Variants in IPO11 observed in about 807,000 individuals in gnomAD.
IPO11 encodes importin 11.
IPO11 carries 66 observed loss-of-function variants against 143.2 expected under a neutral mutation model. The observed-to-expected ratio is 0.46, with a 90% CI of 0.38 to 0.57. The LOEUF (loss-of-function observed/expected upper bound fraction) is 0.57. IPO11 is among the 20% of genes least tolerant of loss of function. The pLI is 0.00. For missense variants in IPO11, 1,026 were observed against 1,141.0 expected, an observed-to-expected ratio of 0.90 and a Z score of 1.45; for synonymous variants, 385 against 377.8, an observed-to-expected ratio of 1.02 and a Z score of -0.22.
chr5:62,520,564 C>A (rs1742170993), intron 20 of IPO11, among the ~76,000 whole-genome samples: 1 of 152,164 alleles, frequency 6.6e-6, no homozygotes, highest in South Asian at 2.1e-4. Context: ...TGATGTTCCC[C>A]ACCCTGTGTC....
intron 28 of IPO11, among the ~76,000 whole-genome samples, chr5:62,594,580 C>G (rs573345892): frequency 2.0e-5 from 3 of 152,308 alleles, no homozygotes; most frequent in Admixed American, 6.5e-5. Flanking sequence ...AAATGCTAAT[C>G]TCATGCAGAA....
chr5:62,443,428 T>C (rs1393000413), intron 3 of IPO11: 38 of 165,600 alleles, frequency 2.3e-4, no homozygotes, highest in South Asian at 9.1e-4. Context: ...TGTGCGTGTG[T>C]GCGTGTGCGT....
chr5:62,623,259 C>G (rs1211120541), intron 29 of IPO11, among the ~76,000 whole-genome samples: 2 of 152,160 alleles, frequency 1.3e-5, no homozygotes, highest in Non-Finnish European at 2.9e-5. Flanking sequence ...TGGCCTGTTA[C>G]ATACCTAGTG....
intron 1 of IPO11, among the ~76,000 whole-genome samples, chr5:62,429,983 T>A (rs562948682): frequency 6.6e-6 from 1 of 152,288 alleles, no homozygotes; most frequent in South Asian, 2.1e-4. Context: ...GGTCTCGAAC[T>A]CTGGACCTCG....
At chr5:62,582,541 T>C (rs757871343) in intron 27 of IPO11, among the ~76,000 whole-genome samples, 3 of 152,214 alleles carry the variant, frequency 2.0e-5, no homozygotes, top group African/African-American at 4.8e-5. Context: ...CGAGGTCTTA[T>C]GGTAAAGGCC....
At chr5:62,617,948 T>C (rs1256122278) in intron 29 of IPO11, among the ~76,000 whole-genome samples, 1 of 152,188 alleles carries the variant, frequency 6.6e-6, no homozygotes, top group African/African-American at 2.4e-5. Flanking sequence ...TGTGAGCCTA[T>C]GTTTAGTTGA....
At chr5:62,584,058 C>T (rs1027110211) in intron 27 of IPO11, among the ~76,000 whole-genome samples, 1 of 151,968 alleles carries the variant, frequency 6.6e-6, no homozygotes, top group African/African-American at 2.4e-5. Context: ...TTTGTTTTCC[C>T]CTCATAACAA....
chr5:62,547,224 A>T (rs753880467), intron 24 of IPO11, among the ~76,000 whole-genome samples: 2 of 152,116 alleles, frequency 1.3e-5, no homozygotes, highest in Non-Finnish European at 2.9e-5. Context: ...TAATATTGGT[A>T]TTGTTATTTT....
At chr5:62,535,027 A>ATTTG (rs1742688214) in intron 22 of IPO11, among the ~76,000 whole-genome samples, 1 of 148,712 alleles carries the variant, frequency 6.7e-6, no homozygotes, top group Admixed American at 6.7e-5. Flanking sequence ...ATATTTATTT[A>ATTTG]TTTATTTATT....
intron 11 of IPO11, 70 bp from the exon 12 acceptor site, chr5:62,485,346 CTGA>C: frequency 8.6e-7 from 1 of 1,157,782 alleles, no homozygotes. Context: ...AAATATTATA[CTGA>C]TGTTATTAAA....
intron 29 of IPO11, among the ~76,000 whole-genome samples, chr5:62,621,275 A>G (rs1355094385): frequency 6.6e-6 from 1 of 152,242 alleles, no homozygotes; most frequent in Non-Finnish European, 1.5e-5. Context: ...TCACACGACC[A>G]GGAAGGATTA....
At chr5:62,619,579 C>G (rs575827253) in intron 29 of IPO11, among the ~76,000 whole-genome samples, 3 of 152,102 alleles carry the variant, frequency 2.0e-5, no homozygotes, top group African/African-American at 7.2e-5. Flanking sequence ...ACAGGCCGGG[C>G]GTGGTGGCTC....
chr5:62,469,622 G>A (rs757489975), intron 6 of IPO11, among the ~76,000 whole-genome samples: 7 of 152,188 alleles, frequency 4.6e-5, no homozygotes, highest in Non-Finnish European at 7.4e-5. Context: ...TTTGTTAACC[G>A]CATTTTACAG....
intron 16 of IPO11, among the ~76,000 whole-genome samples, chr5:62,498,290 A>G (rs1409041182): frequency 6.6e-6 from 1 of 152,126 alleles, no homozygotes; most frequent in Non-Finnish European, 1.5e-5. Flanking sequence ...TTTGAGAACT[A>G]CTGACCTGGA....
Position 62,601,829 on chromosome 5 carries a change from A to C in IPO11, c.2744A>C (p.Gln915Pro), listed in dbSNP as rs1297470524. The change falls in exon 29 of 30, where the codon CAA (glutamine) becomes CCA (proline). Residue 915 changes from glutamine (Q) to proline (P), a missense_variant. Around this residue, in one of 5 missense-constraint regions of IPO11, gnomAD observed 351 missense variants for 358.9 expected, o/e 0.98. Transcript: ENST00000325324. Reference sequence around the variant, plus strand: ...GAAGATGAAGAACCACCCACAGAACAAGATAAGAGGAAAAAGATGGTAAGT... The same window carrying C: ...GAAGATGAAGAACCACCCACAGAACCAGATAAGAGGAAAAAGATGGTAAGT... ...VTEDEEPPTE[Q>P]DKRKKMLALK... The C allele has an allele frequency of 6.3e-7, 1 of 1,591,544 alleles. No homozygotes were observed. The highest frequency in any genetic ancestry group is 8.6e-7 in the Non-Finnish European group (1 of 1,168,672).
In IPO11 at chr5:62,581,378, A is replaced by G. The variant is rs1360388991; in HGVS notation, c.2583-10199A>G. 11 of 1,112,328 alleles carry G rather than the reference A, an allele frequency of 9.9e-6. No individual in the cohort carries two copies. The Admixed American group carries it at 1.0e-4, about 10-fold the overall frequency. 68.9% of individuals were successfully genotyped at this position (1,112,328 alleles called of 1,614,324 possible). A position where few individuals can be genotyped will look rare whatever the true frequency, so the allele number is the denominator to read the frequency against. On this transcript the variant is annotated intron_variant, in intron 27 of 29. Coordinates refer to ENST00000325324, the MANE Select transcript of IPO11 (RefSeq NM_016338.5). ...ATTTAAACTGAAACCTCCTTATATA[A>G]TTATATACTTTAGTTGGAAATATAA... is the stretch of plus-strand genomic sequence containing the variant.
intron 19 of IPO11, among the ~76,000 whole-genome samples, chr5:62,508,853 G>A (rs150974445): frequency 0.017 from 2,656 of 152,232 alleles, 73 homozygotes; most frequent in African/African-American, 0.059. Context: ...AGAACATGCG[G>A]TGTTTGGTTT....
intron 27 of IPO11, among the ~76,000 whole-genome samples, chr5:62,584,041 A>G (rs1371446502): frequency 6.6e-6 from 1 of 152,224 alleles, no homozygotes; most frequent in Non-Finnish European, 1.5e-5. Flanking sequence ...GGGCATATCG[A>G]AAGTAATTTG....
At position 62,601,740 on chromosome 5, in the gene IPO11, A is replaced by T. The variant is rs377179950; in HGVS notation, c.2679-24A>T. 3 of 1,311,688 alleles carry T rather than the reference A, an allele frequency of 2.3e-6. No homozygotes were observed. In the African/African-American group the frequency reaches 4.5e-5, roughly 20 times the overall value. 81.3% of individuals were successfully genotyped at this position (1,311,688 alleles called of 1,614,324 possible). The stretch of plus-strand genomic sequence containing the variant: ...TATTATAGACATTTTTATTTAAAAC[A>T]TGTTTTTTAAAAAATTATTATAGCT... On this transcript the variant is annotated intron_variant, in intron 28 of 29. Coordinates refer to ENST00000325324, the MANE Select transcript of IPO11 (RefSeq NM_016338.5).
Sources: allele counts gnomAD v4.1 joint callset (sites outside exome capture counted in the v4.1 genomes callset), GRCh38; gene constraint gnomAD v4.1.1; regional missense constraint gnomAD v4.1.1; transcripts MANE v1.5; gene names NCBI Gene and HGNC (gene_info 2026-07-23, HGNC 2026-07-21).